Variants in ST8SIA1 observed in about 807,000 individuals in gnomAD.
The protein encoded by ST8SIA1 is ST8 alpha-N-acetyl-neuraminide alpha-2,8-sialyltransferase 1.
In ST8SIA1, 16 loss-of-function variants were observed where a neutral mutation model predicts 35.9. The observed-to-expected ratio is 0.45, with a 90% CI of 0.30 to 0.68. The LOEUF is 0.68. Among genes scored for constraint, ST8SIA1 ranks in the 30% least tolerant of loss-of-function variants. ST8SIA1 has a pLI of 0.09. For missense variants in ST8SIA1, 383 were observed against 453.6 expected, an observed-to-expected ratio of 0.84 and a Z score of 1.41; for synonymous variants, 170 against 169.6, an observed-to-expected ratio of 1.00 and a Z score of -0.02.
intron 1 of ST8SIA1, among the ~76,000 whole-genome samples, chr12:22,311,628 G>A (rs948822450): frequency 4.3e-4 from 65 of 152,052 alleles, no homozygotes; most frequent in African/African-American, 1.5e-3. Context: ...TCAATGAAAT[G>A]GTGGTATTTT....
chr12:22,293,260 C>T (rs1866201422), intron 1 of ST8SIA1, among the ~76,000 whole-genome samples: 1 of 152,168 alleles, frequency 6.6e-6, no homozygotes, highest in Non-Finnish European at 1.5e-5. Flanking sequence ...AGGAATAATC[C>T]ACCAGTGGAT....
At chr12:22,306,277 G>A (rs755555497) in intron 1 of ST8SIA1, among the ~76,000 whole-genome samples, 6 of 152,144 alleles carry the variant, frequency 3.9e-5, no homozygotes, top group Non-Finnish European at 5.9e-5. Context: ...TCATGGGCAC[G>A]TCCTCAATCT....
intron 3 of ST8SIA1, 126 bp from the exon 4 acceptor site, chr12:22,249,224 T>TG: frequency 1.6e-6 from 1 of 637,068 alleles, no homozygotes; most frequent in Non-Finnish European, 2.6e-6. Flanking sequence ...TTTTTTGTTT[T>TG]TTTTTTTTTT....
chr12:22,299,048 GT>G (rs770422336), intron 1 of ST8SIA1, among the ~76,000 whole-genome samples: 4 of 150,972 alleles, frequency 2.6e-5, no homozygotes, highest in Non-Finnish European at 4.4e-5. Context: ...ACGAAATGGA[GT>G]TTTTTTTTCA....
chr12:22,208,740 T>A (rs1157978501), intron 4 of ST8SIA1, among the ~76,000 whole-genome samples: 1 of 152,152 alleles, frequency 6.6e-6, no homozygotes, highest in East Asian at 1.9e-4. Context: ...ATTATAAAAC[T>A]ATAGTAATAA....
chr12:22,333,396 T>G (rs1381586056), intron 1 of ST8SIA1, among the ~76,000 whole-genome samples: 1 of 152,180 alleles, frequency 6.6e-6, no homozygotes, highest in Non-Finnish European at 1.5e-5. Context: ...GTCAACAAGA[T>G]GAGATAATAA....
intron 2 of ST8SIA1, among the ~76,000 whole-genome samples, chr12:22,264,227 T>C (rs1288992732): frequency 6.6e-6 from 1 of 152,140 alleles, no homozygotes; most frequent in Non-Finnish European, 1.5e-5. Flanking sequence ...CACCTAATTA[T>C]GCCCTCCTTA....
chr12:22,325,593 G>A lies in ST8SIA1; in HGVS notation c.236+8404C>T. On this transcript the variant is annotated intron_variant, in intron 1 of 4. Transcript: ENST00000396037. The stretch of plus-strand genomic sequence containing the variant: ...CTTACTGATTTAAGGAATGAAACTA[G>A]GAATCTCCTCTTATCTGTGGAGGAT... The A allele has an allele frequency of 7.6e-6, 5 of 659,752 alleles. No homozygotes were observed. The South Asian group carries it at 8.5e-5, about 11-fold the overall frequency. The allele number at this position is 659,752 out of a possible 1,614,324, so 40.9% of individuals were successfully genotyped here. A position where few individuals can be genotyped will look rare whatever the true frequency, so the allele number is the denominator to read the frequency against.
intron 1 of ST8SIA1, among the ~76,000 whole-genome samples, chr12:22,300,766 T>C (rs1180690887): frequency 1.3e-5 from 2 of 152,198 alleles, no homozygotes; most frequent in African/African-American, 4.8e-5. Context: ...AGCAAATGTC[T>C]TAACCTTTGA....
intron 1 of ST8SIA1, among the ~76,000 whole-genome samples, chr12:22,321,031 AAAGAGAAAGAG>A (rs1163229275): frequency 6.2e-4 from 40 of 64,198 alleles, no homozygotes; most frequent in African/African-American, 1.7e-3. Context: ...AGAAAGAAAG[AAAGAGAAAGAG>A]AAAGAAAAGA....
chr12:22,320,977 A>AAGAG (rs1344901463), intron 1 of ST8SIA1, among the ~76,000 whole-genome samples: 3 of 102,946 alleles, frequency 2.9e-5, no homozygotes, highest in Admixed American at 9.2e-5. Context: ...GAAAGAAAGA[A>AAGAG]AGAAAGAAAG....
chr12:22,279,386 G>C (rs942712631), intron 2 of ST8SIA1, among the ~76,000 whole-genome samples: 3 of 152,112 alleles, frequency 2.0e-5, no homozygotes, highest in African/African-American at 4.8e-5. Flanking sequence ...CTTCAGCCTT[G>C]CTTACAAAAA....
At chr12:22,300,644 A>T (rs1474340260) in intron 1 of ST8SIA1, among the ~76,000 whole-genome samples, 1 of 152,150 alleles carries the variant, frequency 6.6e-6, no homozygotes, top group Non-Finnish European at 1.5e-5. Flanking sequence ...TGGAAAACTA[A>T]GTCTCCTCTC....
intron 4 of ST8SIA1, chr12:22,223,650 T>C: frequency 8.7e-7 from 1 of 1,153,892 alleles, no homozygotes. Flanking sequence ...GCAGGGATTC[T>C]GATTCTGACT....
At chr12:22,309,348 A>G in intron 1 of ST8SIA1, among the ~76,000 whole-genome samples, 1 of 152,084 alleles carries the variant, frequency 6.6e-6, no homozygotes. Context: ...CTGATGAGAC[A>G]CCACCGACTA....
chr12:22,206,637 G>C (rs980232502), intron 4 of ST8SIA1, among the ~76,000 whole-genome samples: 1 of 152,142 alleles, frequency 6.6e-6, no homozygotes, highest in African/African-American at 2.4e-5. Context: ...AGACCTACAA[G>C]CAGTAACATT....
intron 1 of ST8SIA1, among the ~76,000 whole-genome samples, chr12:22,313,681 A>T (rs1321376671): frequency 6.6e-6 from 1 of 152,202 alleles, no homozygotes; most frequent in Non-Finnish European, 1.5e-5. Flanking sequence ...GCATAAAGCC[A>T]ATTTACCAAT....
intron 2 of ST8SIA1, among the ~76,000 whole-genome samples, chr12:22,267,119 G>A (rs1315445016): frequency 6.6e-6 from 1 of 152,172 alleles, no homozygotes; most frequent in Non-Finnish European, 1.5e-5. Flanking sequence ...CACTGTATGA[G>A]ATGCTGGGTC....
intron 1 of ST8SIA1, among the ~76,000 whole-genome samples, chr12:22,308,390 T>C (rs533897654): frequency 6.6e-6 from 1 of 152,330 alleles, no homozygotes; most frequent in South Asian, 2.1e-4. Flanking sequence ...ATCTTGACAT[T>C]AGATTCTCAG....
Sources: allele counts gnomAD v4.1 joint callset (sites outside exome capture counted in the v4.1 genomes callset), GRCh38; gene constraint gnomAD v4.1.1; transcripts MANE v1.5; gene names NCBI Gene and HGNC (gene_info 2026-07-23, HGNC 2026-07-21).